AFF2: variants seen among roughly 807,000 people sequenced by gnomAD.
The protein encoded by AFF2 is ALF transcription elongation factor 2, also known as AF4/FMR2 family member 2.
Under a neutral mutation model 76.9 loss-of-function variants are expected in AFF2, and 14 were observed. That is an observed-to-expected ratio of 0.18 (90% CI 0.12 to 0.28). AFF2 has a LOEUF of 0.28. Ranked by LOEUF, AFF2 falls within the 10% of genes least tolerant of loss-of-function variation. The probability of loss-of-function intolerance (pLI) is 1.00; values close to 1 mark genes in which losing one functional copy is unlikely to be tolerated. For synonymous variants in AFF2, 398 were observed against 366.7 expected, an observed-to-expected ratio of 1.09 and a Z score of -0.98; for missense variants, 868 against 1,001.1, an observed-to-expected ratio of 0.87 and a Z score of 1.79.
intron 3 of AFF2, among the ~76,000 whole-genome samples, chrX:148,789,527 A>G (rs1302172592): frequency 8.9e-6 from 1 of 111,761 alleles, no homozygotes. Context: ...ACTTTAGCCC[A>G]GAGAGCATAG....
chrX:148,956,679 T>G, intron 11 of AFF2, 66 bp downstream of exon 11: 1 of 1,053,989 alleles, frequency 9.5e-7, no homozygotes, highest in African/African-American at 1.9e-5. Flanking sequence ...TAACTTGATC[T>G]TGAGCCTCAT....
At chrX:148,773,634 G>A (rs974561350) in intron 3 of AFF2, among the ~76,000 whole-genome samples, 7 of 102,714 alleles carry the variant, frequency 6.8e-5, no homozygotes, top group African/African-American at 2.1e-4. Context: ...AGGAAGGAAG[G>A]AAGGAAAGGA....
intron 3 of AFF2, among the ~76,000 whole-genome samples, chrX:148,751,051 A>G (rs1490279120): frequency 8.9e-6 from 1 of 112,379 alleles, no homozygotes; most frequent in Non-Finnish European, 1.9e-5. Flanking sequence ...TGAGCTGAGT[A>G]TAACAATTTA....
intron 1 of AFF2, among the ~76,000 whole-genome samples, chrX:148,569,846 C>T (rs147946658): frequency 2.0e-3 from 218 of 111,573 alleles, no homozygotes; most frequent in Middle Eastern, 4.6e-3. Flanking sequence ...GTTTACCAAA[C>T]TACTCTCAGT....
intron 7 of AFF2, among the ~76,000 whole-genome samples, chrX:148,877,830 C>G (rs2071052587): frequency 8.9e-6 from 1 of 111,991 alleles, no homozygotes; most frequent in Non-Finnish European, 1.9e-5. Flanking sequence ...TTAACAGCGA[C>G]TTAGTATTTC....
intron 7 of AFF2, among the ~76,000 whole-genome samples, chrX:148,851,045 G>T (rs1159760291): frequency 8.9e-6 from 1 of 112,330 alleles, no homozygotes; most frequent in African/African-American, 3.2e-5. Context: ...TAGAAGAGAA[G>T]AAATATCTAC....
At chrX:148,815,028 G>A (rs181283261) in intron 4 of AFF2, among the ~76,000 whole-genome samples, 52 of 111,649 alleles carry the variant, frequency 4.7e-4, no homozygotes, top group Admixed American at 8.5e-4. Flanking sequence ...GTTCAACTTG[G>A]ATTCATGCAA....
intron 3 of AFF2, among the ~76,000 whole-genome samples, chrX:148,801,750 A>T (rs1340141080): frequency 9.0e-6 from 1 of 111,709 alleles, no homozygotes; most frequent in African/African-American, 3.3e-5. Flanking sequence ...CATCCCTCTT[A>T]TAAAAACAAA....
At chrX:148,732,611 GA>G (rs568315858) in intron 3 of AFF2, among the ~76,000 whole-genome samples, 7,240 of 85,641 alleles carry the variant, frequency 0.085, 321 homozygotes, top group Middle Eastern at 0.13. Flanking sequence ...ACAAGCAGAT[GA>G]AAAAAAAAAA....
chrX:148,954,415 A>G (rs781995809), intron 10 of AFF2, among the ~76,000 whole-genome samples: 1 of 111,465 alleles, frequency 9.0e-6, no homozygotes, highest in South Asian at 3.8e-4. Flanking sequence ...CTCTTCATAC[A>G]CTTGTTTTTC....
intron 1 of AFF2, among the ~76,000 whole-genome samples, chrX:148,586,966 C>T (rs1310158413): frequency 9.0e-6 from 1 of 111,225 alleles, no homozygotes; most frequent in African/African-American, 3.3e-5. Context: ...CTTCCCCCTT[C>T]CATATTTTCT....
At chrX:148,983,943 G>T (rs1557291134) in intron 19 of AFF2, among the ~76,000 whole-genome samples, 1 of 4,315 alleles carries the variant, frequency 2.3e-4, no homozygotes, top group African/African-American at 2.6e-4. Context: ...ATGGCACAGA[G>T]TGAAATAGAC....
chrX:148,709,233 G>A (rs1296827972), intron 3 of AFF2, among the ~76,000 whole-genome samples: 2 of 111,242 alleles, frequency 1.8e-5, no homozygotes, highest in Admixed American at 9.6e-5. Flanking sequence ...ATTTTTTTAG[G>A]CTAATCAAAT....
At chrX:148,667,788 T>G (rs901352604) in intron 3 of AFF2, among the ~76,000 whole-genome samples, 17 of 111,687 alleles carry the variant, frequency 1.5e-4, no homozygotes, top group Non-Finnish European at 2.6e-4. Context: ...GGAGTTACAA[T>G]TCAAGATAAG....
rs147301549 is a variant in AFF2, at chrX:148,794,365, G to A, written c.1042-15511G>A. On this transcript the variant is annotated intron_variant, in intron 3 of 20. Transcript: ENST00000370460. ...TGTTGGGGGGAGGACAATTTTGAGGGCACATCTGAATTACCAGTGAACCCA... is the reference window on the plus strand; with the variant it reads ...TGTTGGGGGGAGGACAATTTTGAGGACACATCTGAATTACCAGTGAACCCA... Among the ~76,000 whole-genome samples the A allele has an allele frequency of 2.8e-3, 309 of 111,784 alleles. 2 individuals carry two copies. The highest frequency in any genetic ancestry group is 5.2e-3 in the Non-Finnish European group (274 of 53,125).
intron 7 of AFF2, among the ~76,000 whole-genome samples, chrX:148,872,959 A>C (rs2070995389): frequency 8.9e-6 from 1 of 111,747 alleles, no homozygotes; most frequent in Non-Finnish European, 1.9e-5. Flanking sequence ...AGGGGGACAC[A>C]CAAACATTCA....
chrX:148,518,989 A>C (rs2052567576), intron 1 of AFF2, among the ~76,000 whole-genome samples: 1 of 111,993 alleles, frequency 8.9e-6, no homozygotes, highest in Admixed American at 9.5e-5. Context: ...TTTTTTTCTC[A>C]AAAAATTAAA....
At chrX:148,508,759 T>C (rs782576912) in intron 1 of AFF2, among the ~76,000 whole-genome samples, 20 of 112,165 alleles carry the variant, frequency 1.8e-4, no homozygotes, top group Non-Finnish European at 3.0e-4. Flanking sequence ...TGGATGTTTC[T>C]GATGAAGTGC....
In AFF2 at chrX:148,955,745, A is replaced by C; in HGVS notation, c.1700A>C (p.Glu567Ala). 1 of 1,211,871 alleles carries C rather than the reference A, an allele frequency of 8.3e-7. No individual in the cohort carries two copies. The highest frequency in any genetic ancestry group is 1.1e-6 in the Non-Finnish European group (1 of 895,574). The change falls in exon 11 of 21, where the codon GAA becomes GCA. Residue 567 changes from glutamate to alanine, a missense_variant. Glu to Ala is a moderately radical substitution (Grantham distance 107). Transcript: ENST00000370460. The stretch of plus-strand genomic sequence containing the variant: ...CCTCCTCCAATCATCCAACCAATGG[A>C]AGTCCAGATGAAAGTGAAGACGAAT... ...SLPPPIIQPM[E>A]VQMKVKTNAS...
Sources: allele counts gnomAD v4.1 joint callset (sites outside exome capture counted in the v4.1 genomes callset), GRCh38; gene constraint gnomAD v4.1.1; transcripts MANE v1.5; gene names NCBI Gene and HGNC (gene_info 2026-07-23, HGNC 2026-07-21).